BAALC: variants seen among roughly 807,000 people sequenced by gnomAD.
BAALC encodes the protein BAALC binder of MAP3K1 and KLF4.
BAALC carries 9 observed loss-of-function variants against 15.5 expected under a neutral mutation model. That is an observed-to-expected ratio of 0.58 (90% CI 0.35 to 1.02). The LOEUF is 1.02. Among genes scored for constraint, BAALC ranks in the 50% least tolerant of loss-of-function variants. The pLI is 0.02. For missense variants in BAALC, 201 were observed against 192.4 expected (o/e 1.04, Z -0.27); for synonymous variants, 80 against 74.6 (o/e 1.07, Z -0.37).
intron 1 of BAALC, chr8:103,154,798 A>T (rs941210531): frequency 6.5e-6 from 1 of 154,440 alleles, no homozygotes; most frequent in Non-Finnish European, 1.5e-5. Flanking sequence ...ATTGTGACTT[A>T]TCTCTGCTAT....
In BAALC at chr8:103,204,745, A is replaced by G. The variant is rs1563653007; in HGVS notation, c.161-8174A>G. On this transcript the variant is annotated intron_variant, in intron 1 of 2. Transcript: ENST00000309982. ...ACCATAAATTTAAGGGTTGCTCAAT[A>G]TTTTCTAAGAATGTGTTTGTAATAG... Among the ~76,000 whole-genome samples, 4 of 152,322 alleles carry G rather than the reference A, an allele frequency of 2.6e-5. 1 individual carries two copies. In the South Asian group the frequency reaches 8.3e-4, roughly 32 times the overall value.
At chr8:103,227,746 C>T (rs1812838339) in intron 2 of BAALC, among the ~76,000 whole-genome samples, 1 of 151,928 alleles carries the variant, frequency 6.6e-6, no homozygotes, top group Non-Finnish European at 1.5e-5. Context: ...CTATTCTCTA[C>T]CCTCCCTTTT....
At chr8:103,197,844 G>T (rs1219191142) in intron 1 of BAALC, among the ~76,000 whole-genome samples, 1 of 152,164 alleles carries the variant, frequency 6.6e-6, no homozygotes, top group Non-Finnish European at 1.5e-5. Flanking sequence ...ATTCATGAAG[G>T]ATATGCCCCA....
chr8:103,175,443 T>C (rs16870221), intron 1 of BAALC, among the ~76,000 whole-genome samples: 27,817 of 152,116 alleles, frequency 0.18, 3,153 homozygotes, highest in East Asian at 0.4. Context: ...TTCTGTGAGG[T>C]TCCTGACATG....
At chr8:103,176,539 C>G (rs368269989) in intron 1 of BAALC, among the ~76,000 whole-genome samples, 1 of 152,068 alleles carries the variant, frequency 6.6e-6, no homozygotes, top group East Asian at 1.9e-4. Flanking sequence ...AGAAACACAC[C>G]GATCTTGCTA....
At chr8:103,185,640 C>T (rs1329092399) in intron 1 of BAALC, among the ~76,000 whole-genome samples, 1 of 152,224 alleles carries the variant, frequency 6.6e-6, no homozygotes, top group Non-Finnish European at 1.5e-5. Context: ...GAGACTGAGA[C>T]CAATGACACC....
At chr8:103,142,084 G>A (rs1306689252) in intron 1 of BAALC, among the ~76,000 whole-genome samples, 1 of 152,156 alleles carries the variant, frequency 6.6e-6, no homozygotes, top group East Asian at 1.9e-4. Context: ...GATATTATTG[G>A]CATTTTTGAA....
intron 1 of BAALC, among the ~76,000 whole-genome samples, chr8:103,156,741 G>A (rs916392443): frequency 6.6e-6 from 1 of 152,346 alleles, no homozygotes; most frequent in East Asian, 1.9e-4. Flanking sequence ...TTTTTGGAAA[G>A]TCGCTGCATG....
intron 1 of BAALC, among the ~76,000 whole-genome samples, chr8:103,203,385 C>T (rs1385286581): frequency 6.6e-6 from 1 of 152,186 alleles, no homozygotes. Flanking sequence ...AGTCAATAAA[C>T]ATTCCAAAAT....
intron 1 of BAALC, among the ~76,000 whole-genome samples, chr8:103,165,103 T>A (rs1389690): frequency 0.092 from 13,960 of 152,276 alleles, 856 homozygotes; most frequent in Non-Finnish European, 0.14. Flanking sequence ...GCTGCATAAT[T>A]GTGTGACTGT....
chr8:103,141,562 C>T (rs1810779083), intron 1 of BAALC: 1 of 153,466 alleles, frequency 6.5e-6, no homozygotes, highest in East Asian at 1.9e-4. Context: ...TCTTTCTTGT[C>T]GCTTCCCCTT....
At chr8:103,149,919 T>G (rs1014312738) in intron 1 of BAALC, among the ~76,000 whole-genome samples, 1 of 152,188 alleles carries the variant, frequency 6.6e-6, no homozygotes, top group Admixed American at 6.5e-5. Flanking sequence ...TCTATATTTT[T>G]CCTAGCTGTT....
In BAALC at chr8:103,228,013, C is replaced by T. The variant is rs1382262811; in HGVS notation, c.352C>T (p.Pro118Ser). The change falls in exon 3 of 3, where the codon CCT (proline) becomes TCT (serine). Residue 118 changes from proline to serine, a missense_variant. Transcript: ENST00000309982. ...GGCTAAAAGAGATGCTAAGAGAATG[C>T]CTGCAAAAGAAGTCACCATTAATGT... is the stretch of plus-strand genomic sequence containing the variant. ...TEAKRDAKRMPAKEVTINVTD... is the reference protein window; with the variant it reads ...TEAKRDAKRMSAKEVTINVTD... 1 of 1,612,998 alleles carries T rather than the reference C, an allele frequency of 6.2e-7. No homozygotes were observed. The highest frequency in any genetic ancestry group is 1.1e-5 in the South Asian group (1 of 91,024).
chr8:103,161,231 G>T lies in BAALC; in HGVS notation c.160+20174G>T, dbSNP rs570000624. Reference sequence around the variant, plus strand: ...TCATTATCTCTGCCCCCTTTCCTCTGATTCCTTTGTCATCCTATAGATAAC... The same window carrying T: ...TCATTATCTCTGCCCCCTTTCCTCTTATTCCTTTGTCATCCTATAGATAAC... On this transcript the variant is annotated intron_variant, in intron 1 of 2. Transcript: ENST00000309982. Among the ~76,000 whole-genome samples, 14 of 151,710 alleles carry T rather than the reference G, an allele frequency of 9.2e-5. No individual in the cohort carries two copies. The South Asian group carries it at 2.9e-3, about 32-fold the overall frequency.
chr8:103,158,944 A>T (rs771647653), intron 1 of BAALC, among the ~76,000 whole-genome samples: 17 of 152,220 alleles, frequency 1.1e-4, no homozygotes, highest in Admixed American at 3.9e-4. Flanking sequence ...CCACGAAGAA[A>T]GATATCTGAG....
At chr8:103,195,001 A>G (rs1812060087) in intron 1 of BAALC, among the ~76,000 whole-genome samples, 1 of 152,148 alleles carries the variant, frequency 6.6e-6, no homozygotes, top group Admixed American at 6.5e-5. Context: ...CATTCAAATC[A>G]TACCACCTGG....
intron 1 of BAALC, among the ~76,000 whole-genome samples, chr8:103,146,996 G>A (rs894054493): frequency 1.3e-5 from 2 of 152,218 alleles, no homozygotes; most frequent in African/African-American, 4.8e-5. Context: ...TAGTCTGTGA[G>A]CTCTTCCAGG....
chr8:103,141,650 G>A (rs1258816854), intron 1 of BAALC, among the ~76,000 whole-genome samples: 1 of 152,188 alleles, frequency 6.6e-6, no homozygotes, highest in Non-Finnish European at 1.5e-5. Flanking sequence ...AATGCACCCC[G>A]CCCCATCGCT....
intron 1 of BAALC, among the ~76,000 whole-genome samples, chr8:103,161,414 G>A (rs941067040): frequency 2.6e-5 from 4 of 151,836 alleles, no homozygotes; most frequent in African/African-American, 9.7e-5. Context: ...TCTGTCCCTT[G>A]ACTTTCACTG....
Sources: gnomAD v4.1 joint callset for allele counts (sites outside exome capture counted in the v4.1 genomes callset) on GRCh38, gnomAD v4.1.1 for gene constraint, MANE v1.5 for transcripts, NCBI Gene and HGNC (gene_info 2026-07-23, HGNC 2026-07-21) for gene names.